The following MAGI2 variants were observed in gnomAD, a reference collection of about 807,000 sequenced individuals.
MAGI2 encodes the protein membrane associated guanylate kinase, WW and PDZ domain containing 2, also known as membrane-associated guanylate kinase, WW and PDZ domain-containing protein 2.
A neutral mutation model predicts 133.3 loss-of-function variants in MAGI2; 35 were observed. The observed-to-expected ratio is 0.26, with a 90% CI of 0.20 to 0.35. MAGI2 has a LOEUF of 0.35. MAGI2 is among the 10% of genes least tolerant of loss of function. The pLI, the probability that MAGI2 is intolerant of heterozygous loss-of-function variation, is 1.00. For missense variants in MAGI2, 1,636 were observed against 1,863.4 expected (o/e 0.88, Z 2.25); for synonymous variants, 729 against 710.6 (o/e 1.03, Z -0.41).
rs1405463982 is a variant in MAGI2, at chr7:78,019,424, C to A, written c.4259G>T (p.Gly1420Val). ...AGPRPGPRPPGGAPARKAAVA... is the reference protein window; with the variant it reads ...AGPRPGPRPPVGAPARKAAVA... ...GGCGGCCTTGCGCGCCGGGGCGCCC[C>A]CCGGGGGTCGCGGGCCCGGCCGGGG... Residue 1420 changes from glycine (G) to valine (V), a missense_variant, in exon 22 of 22, where the codon GGG becomes GTG. By Grantham distance (109) the Gly-to-Val change is moderately radical. This residue lies in a region of MAGI2 where 354 missense variants were observed against 298.7 expected (regional missense o/e 1.19). Transcript: ENST00000354212. 4.6e-6 allele frequency: 5 copies of A among 1,077,210 alleles called. No homozygotes were observed. Among genetic ancestry groups the A allele is most frequent in the East Asian group, 1.1e-4 (2 of 18,422 alleles). The allele number at this position is 1,077,210 out of a possible 1,614,324, so 66.7% of individuals were successfully genotyped here. A position where few individuals can be genotyped will look rare whatever the true frequency, so the allele number is the denominator to read the frequency against.
At chr7:79,166,433 A>C (rs985648779) in intron 1 of MAGI2, among the ~76,000 whole-genome samples, 1 of 152,118 alleles carries the variant, frequency 6.6e-6, no homozygotes, top group African/African-American at 2.4e-5. Context: ...GGAAGATCCC[A>C]ACGCCTCAAA....
At chr7:78,892,686 C>G (rs1176793937) in intron 2 of MAGI2, among the ~76,000 whole-genome samples, 2 of 152,170 alleles carry the variant, frequency 1.3e-5, no homozygotes, top group Non-Finnish European at 2.9e-5. Flanking sequence ...ATGTAGAAAG[C>G]TGAAACTGGA....
At chr7:78,852,255 T>A (rs1466951142) in intron 2 of MAGI2, among the ~76,000 whole-genome samples, 1 of 152,144 alleles carries the variant, frequency 6.6e-6, no homozygotes, top group Non-Finnish European at 1.5e-5. Context: ...CAGAATTGTT[T>A]GCTTTTGTCT....
intron 10 of MAGI2, among the ~76,000 whole-genome samples, chr7:78,214,772 C>T (rs1462192771): frequency 2.0e-5 from 3 of 152,112 alleles, no homozygotes; most frequent in Admixed American, 6.6e-5. Flanking sequence ...AGAGGATTAC[C>T]CCTGCAATGT....
At chr7:79,025,531 G>A (rs1182590874) in intron 1 of MAGI2, among the ~76,000 whole-genome samples, 1 of 152,170 alleles carries the variant, frequency 6.6e-6, no homozygotes, top group Non-Finnish European at 1.5e-5. Flanking sequence ...TAGAATGTGT[G>A]TTTGTGTGCA....
At chr7:78,809,636 T>G (rs1226199975) in intron 2 of MAGI2, among the ~76,000 whole-genome samples, 2 of 147,048 alleles carry the variant, frequency 1.4e-5, no homozygotes, top group Non-Finnish European at 3.0e-5. Context: ...TGCCTTACTG[T>G]TTTTTTTTTC....
At chr7:78,816,969 C>T (rs1311949444) in intron 2 of MAGI2, among the ~76,000 whole-genome samples, 3 of 152,048 alleles carry the variant, frequency 2.0e-5, no homozygotes, top group Non-Finnish European at 4.4e-5. Context: ...TGGACCTGGG[C>T]AAAGTAAAAT....
At chr7:79,125,247 G>T in intron 1 of MAGI2, 1 of 440,604 alleles carries the variant, frequency 2.3e-6, no homozygotes, top group South Asian at 1.8e-5. Context: ...TACTGTGAAT[G>T]GCTACAACTG....
At chr7:78,174,047 C>T (rs2150667435) in intron 14 of MAGI2, among the ~76,000 whole-genome samples, 1 of 152,242 alleles carries the variant, frequency 6.6e-6, no homozygotes, top group South Asian at 2.1e-4. Context: ...GGGACTAGGC[C>T]ACTTTAATTC....
At chr7:78,070,126 C>CATAT (rs5885039) in intron 21 of MAGI2, among the ~76,000 whole-genome samples, 1 of 136,222 alleles carries the variant, frequency 7.3e-6, no homozygotes, top group Non-Finnish European at 1.5e-5. Context: ...CACACACACA[C>CATAT]ATATATGTGT....
intron 10 of MAGI2, among the ~76,000 whole-genome samples, chr7:78,213,789 A>G (rs1306601982): frequency 1.3e-5 from 2 of 152,174 alleles, no homozygotes; most frequent in East Asian, 3.8e-4. Context: ...CTATGAACCT[A>G]TTCTGGTTTG....
intron 1 of MAGI2, among the ~76,000 whole-genome samples, chr7:79,380,098 A>G (rs1342941498): frequency 6.6e-6 from 1 of 151,866 alleles, no homozygotes; most frequent in Non-Finnish European, 1.5e-5. Flanking sequence ...CAAGGACTTC[A>G]TGTCTAAGAC....
chr7:78,830,410 T>C (rs1279989637), intron 2 of MAGI2, among the ~76,000 whole-genome samples: 2 of 152,166 alleles, frequency 1.3e-5, no homozygotes, highest in Admixed American at 1.3e-4. Flanking sequence ...ATTCATTATG[T>C]AATATATCTT....
chr7:78,143,058 A>G (rs899373583), intron 16 of MAGI2, among the ~76,000 whole-genome samples: 2 of 152,194 alleles, frequency 1.3e-5, no homozygotes, highest in African/African-American at 4.8e-5. Context: ...TCAGAAAAAG[A>G]TATGTATTTC....
intron 2 of MAGI2, among the ~76,000 whole-genome samples, chr7:78,885,012 T>C (rs1796153794): frequency 6.6e-6 from 1 of 152,172 alleles, no homozygotes; most frequent in East Asian, 1.9e-4. Context: ...TGCAGCAACA[T>C]GGATGCAACT....
At chr7:78,987,797 T>C (rs1208130007) in intron 2 of MAGI2, among the ~76,000 whole-genome samples, 2 of 151,960 alleles carry the variant, frequency 1.3e-5, no homozygotes, top group Admixed American at 6.6e-5. Context: ...AAAATGCAGT[T>C]AACATATTCT....
At chr7:78,498,487 T>A (rs1315509227) in intron 5 of MAGI2, among the ~76,000 whole-genome samples, 1 of 151,974 alleles carries the variant, frequency 6.6e-6, no homozygotes, top group African/African-American at 2.4e-5. Context: ...TTAAATGTAA[T>A]TAGGAAAGGA....
chr7:78,885,628 A>AGTGTGTGCGTGT (rs1554596773), intron 2 of MAGI2, among the ~76,000 whole-genome samples: 6 of 148,858 alleles, frequency 4.0e-5, no homozygotes, highest in Non-Finnish European at 7.4e-5. Flanking sequence ...TGAAAGGAAT[A>AGTGTGTGCGTGT]GTGTGTGTGT....
At chr7:78,317,549 C>T (rs73368770) in intron 9 of MAGI2, among the ~76,000 whole-genome samples, 3 of 152,134 alleles carry the variant, frequency 2.0e-5, no homozygotes, top group Non-Finnish European at 4.4e-5. Context: ...GAAGGCGCGG[C>T]TGTGGGCGCA....
Sources: allele counts gnomAD v4.1 joint callset (sites outside exome capture counted in the v4.1 genomes callset), GRCh38; gene constraint gnomAD v4.1.1; regional missense constraint gnomAD v4.1.1; transcripts MANE v1.5; gene names NCBI Gene and HGNC (gene_info 2026-07-23, HGNC 2026-07-21).